Variants in PAK5 observed in about 807,000 individuals in gnomAD.
The protein encoded by PAK5 is serine/threonine-protein kinase PAK 5.
PAK5 carries 16 observed loss-of-function variants against 65.9 expected under a neutral mutation model. The observed-to-expected ratio is 0.24, with a 90% CI of 0.16 to 0.37. The LOEUF (loss-of-function observed/expected upper bound fraction) is 0.37, where lower values mean the gene tolerates loss of function less well. Ranked by LOEUF, PAK5 falls within the 10% of genes least tolerant of loss-of-function variation. The pLI is 1.00. For missense variants in PAK5, 785 were observed against 903.9 expected (o/e 0.87, Z 1.69); for synonymous variants, 371 against 354.9 (o/e 1.05, Z -0.51).
chr20:9,610,224 T>C (rs2046533180), intron 3 of PAK5, among the ~76,000 whole-genome samples: 1 of 152,220 alleles, frequency 6.6e-6, no homozygotes, highest in African/African-American at 2.4e-5. Context: ...ATATTGAATG[T>C]CTTCAGAATT....
At chr20:9,793,761 C>T (rs894755203) in intron 1 of PAK5, among the ~76,000 whole-genome samples, 17 of 152,102 alleles carry the variant, frequency 1.1e-4, no homozygotes, top group African/African-American at 3.9e-4. Flanking sequence ...TTGTGGAAGA[C>T]AGTGTGGCAA....
At chr20:9,820,591 C>T (rs1569101386) in intron 1 of PAK5, among the ~76,000 whole-genome samples, 1 of 152,188 alleles carries the variant, frequency 6.6e-6, no homozygotes, top group East Asian at 1.9e-4. Context: ...AGGTGCTATG[C>T]CAGATGCTCT....
In PAK5 at chr20:9,653,278, A is replaced by C. The variant is rs1414323948; in HGVS notation, c.-11-8939T>G. ...AAAAACTGCATGGAAAGTGTGTTAA[A>C]TATAACAATCAAAAGCCACTACTTC... On this transcript the variant is annotated intron_variant, in intron 2 of 9. Transcript: ENST00000353224. Among the ~76,000 whole-genome samples the C allele has an allele frequency of 2.0e-5, 3 of 152,226 alleles. No homozygotes were observed. In the East Asian group the frequency reaches 5.8e-4, roughly 29 times the overall value.
intron 7 of PAK5, among the ~76,000 whole-genome samples, chr20:9,546,428 T>C (rs1272715383): frequency 2.0e-5 from 3 of 152,188 alleles, no homozygotes; most frequent in East Asian, 1.9e-4. Context: ...AGGTTTATCA[T>C]GTGATGAGTT....
At chr20:9,752,347 A>T (rs2048586630) in intron 1 of PAK5, among the ~76,000 whole-genome samples, 1 of 152,148 alleles carries the variant, frequency 6.6e-6, no homozygotes, top group Non-Finnish European at 1.5e-5. Context: ...GCATAGATTT[A>T]TTCTAAGAGC....
intron 3 of PAK5, among the ~76,000 whole-genome samples, chr20:9,635,349 T>A (rs2123240675): frequency 6.6e-6 from 1 of 152,274 alleles, no homozygotes; most frequent in Admixed American, 6.5e-5. Flanking sequence ...TTTCTTGATC[T>A]GAGACCTGTG....
chr20:9,648,571 A>G (rs28441610), intron 2 of PAK5, among the ~76,000 whole-genome samples: 29,864 of 151,930 alleles, frequency 0.2, 3,451 homozygotes, highest in East Asian at 0.46. Context: ...GATGCCAGCC[A>G]AGGGCCAACC....
Position 9,818,966 on chromosome 20 carries a change from G to T in PAK5, c.-162+19796C>A, listed in dbSNP as rs547694109. 2.0e-5 allele frequency among the ~76,000 whole-genome samples: 3 copies of T among 152,226 alleles called. No homozygotes were observed. The East Asian group carries it at 5.8e-4, about 29-fold the overall frequency. ...ATTTGTCTTGTCCAAAAGTTGAATT[G>T]ATCTAATAAAACATGAAGCTATATA... On this transcript the variant is annotated intron_variant, in intron 1 of 9. Transcript: ENST00000353224.
intron 1 of PAK5, among the ~76,000 whole-genome samples, chr20:9,735,029 T>C (rs544343557): frequency 6.6e-6 from 1 of 152,376 alleles, no homozygotes; most frequent in South Asian, 2.1e-4. Flanking sequence ...GAATATTTAC[T>C]AGCTATGTGC....
intron 5 of PAK5, 57 bp from the exon 6 acceptor site, chr20:9,563,081 C>T (rs1429106960): frequency 6.7e-7 from 1 of 1,499,080 alleles, no homozygotes; most frequent in Non-Finnish European, 9.3e-7. Context: ...TTTTTGTTCT[C>T]TTGTGGCCAC....
intron 1 of PAK5, among the ~76,000 whole-genome samples, chr20:9,803,051 A>C (rs904663188): frequency 3.3e-5 from 5 of 151,304 alleles, no homozygotes; most frequent in Admixed American, 6.6e-5. Context: ...AAAATATTTC[A>C]AGTCAGAAAA....
chr20:9,824,617 T>A (rs944121752), intron 1 of PAK5, among the ~76,000 whole-genome samples: 2 of 151,954 alleles, frequency 1.3e-5, no homozygotes, highest in Non-Finnish European at 2.9e-5. Context: ...GTCCCATGTG[T>A]ATCTACACGG....
At chr20:9,770,074 T>G (rs1161233757) in intron 1 of PAK5, among the ~76,000 whole-genome samples, 2 of 151,990 alleles carry the variant, frequency 1.3e-5, no homozygotes, top group Non-Finnish European at 2.9e-5. Flanking sequence ...AAAATAGAGC[T>G]TATGTGTATG....
chr20:9,690,826 T>C (rs961928020), intron 2 of PAK5, among the ~76,000 whole-genome samples: 15 of 145,858 alleles, frequency 1.0e-4, no homozygotes, highest in African/African-American at 3.8e-4. Context: ...GCAATTAGGC[T>C]CACTGCAACC....
chr20:9,676,915 C>A lies in PAK5; in HGVS notation c.-11-32576G>T, dbSNP rs6108327. 2.6e-5 allele frequency among the ~76,000 whole-genome samples: 4 copies of A among 152,018 alleles called. 1 individual carries two copies. The highest frequency in any genetic ancestry group is 2.6e-4 in the Admixed American group (4 of 15,262). ...ATTCTGACAATAAAATTAGAGAATA[C>A]TGAGTCCAAATGGGTGTTGGCTAGC... On this transcript the variant is annotated intron_variant, in intron 2 of 9. Transcript: ENST00000353224.
In PAK5 at chr20:9,544,383, G is replaced by T. The variant is rs772857164; in HGVS notation, c.1855C>A (p.Pro619Thr). 1.9e-6 allele frequency: 3 copies of T among 1,613,950 alleles called. No homozygotes were observed. Among genetic ancestry groups the T allele is most frequent in the Non-Finnish European group, 2.5e-6 (3 of 1,179,942 alleles). Residue 619 changes from proline (P) to threonine (T), a missense_variant, in exon 8 of 10, where the codon CCT becomes ACT. Pro to Thr is a conservative substitution (Grantham distance 38). Around this residue, in one of 4 missense-constraint regions of PAK5, gnomAD observed 182 missense variants for 273.0 expected, o/e 0.67. Transcript: ENST00000353224. ...GACCCCCTTACCTCTGTCCCATAAG[G>T]TAGCCTAGAAATCACCTCAGGGGCC... ...WMAPEVISRL[P>T]YGTEVDIWSL...
At chr20:9,594,371 G>A (rs1032039433) in intron 3 of PAK5, among the ~76,000 whole-genome samples, 3 of 152,222 alleles carry the variant, frequency 2.0e-5, no homozygotes, top group Non-Finnish European at 2.9e-5. Flanking sequence ...ACATTTGCAG[G>A]CTTCTAAATT....
chr20:9,539,382 G>T lies in PAK5; in HGVS notation c.*80C>A. ...CTGGTCTAGAATGCACAGGCCTTTT[G>T]CATGTTCTGTGTTTCCTTTTGTTCT... On this transcript the variant is annotated 3_prime_UTR_variant, in exon 10 of 10. Transcript: ENST00000353224. 7.1e-7 allele frequency: 1 copy of T among 1,400,426 alleles called. No homozygotes were observed. Among genetic ancestry groups the T allele is most frequent in the Non-Finnish European group, 1.0e-6 (1 of 998,272 alleles). 86.7% of individuals were successfully genotyped at this position (1,400,426 alleles called of 1,614,324 possible). A position where few individuals can be genotyped will look rare whatever the true frequency, so the allele number is the denominator to read the frequency against.
chr20:9,626,169 A>G (rs892295510), intron 3 of PAK5, among the ~76,000 whole-genome samples: 5 of 152,240 alleles, frequency 3.3e-5, no homozygotes, highest in African/African-American at 9.6e-5. Context: ...ATTTCCAACA[A>G]TAAGAGGGTT....
Sources: gnomAD v4.1 joint callset for allele counts (sites outside exome capture counted in the v4.1 genomes callset) on GRCh38, gnomAD v4.1.1 for gene constraint, gnomAD v4.1.1 regional missense constraint, MANE v1.5 for transcripts, NCBI Gene and HGNC (gene_info 2026-07-23, HGNC 2026-07-21) for gene names.